Variants in PPFIA2 observed in about 807,000 individuals in gnomAD.
PPFIA2 encodes PPFI scaffold protein A2, also known as liprin-alpha-2.
Under a neutral mutation model 175.5 loss-of-function variants are expected in PPFIA2, and 46 were observed. That is an observed-to-expected ratio of 0.26 (90% confidence interval 0.21 to 0.34). The LOEUF (loss-of-function observed/expected upper bound fraction) is 0.34, where lower values mean the gene tolerates loss of function less well. Ranked by LOEUF, PPFIA2 falls within the 10% of genes least tolerant of loss-of-function variation. PPFIA2 has a pLI of 1.00. For missense variants in PPFIA2, 1,179 were observed against 1,506.1 expected, an observed-to-expected ratio of 0.78 and a Z score of 3.60; for synonymous variants, 568 against 511.4, an observed-to-expected ratio of 1.11 and a Z score of -1.49.
At position 81,724,484 on chromosome 12, in the gene PPFIA2, C is replaced by T. The variant is rs185246539; in HGVS notation, c.249+29489G>A. Among the ~76,000 whole-genome samples the T allele has an allele frequency of 8.6e-5, 13 of 151,004 alleles. No homozygotes were observed. The East Asian group carries it at 2.0e-3, about 23-fold the overall frequency. ...TCATCCCTCAACCCCCTCCCACTCT[C>T]TCACCTTTCTGAGTCTCCAGTGTTT... On this transcript the variant is annotated intron_variant, in intron 3 of 32. Transcript: ENST00000549396.
intron 4 of PPFIA2, among the ~76,000 whole-genome samples, chr12:81,618,708 TTTTTTAG>T (rs2061692635): frequency 6.6e-6 from 1 of 151,830 alleles, no homozygotes; most frequent in Non-Finnish European, 1.5e-5. Flanking sequence ...TTTTTTTGTA[TTTTTTAG>T]TAGAGAAAGG....
intron 25 of PPFIA2, among the ~76,000 whole-genome samples, chr12:81,283,806 T>C (rs1370693820): frequency 6.6e-6 from 1 of 151,850 alleles, no homozygotes; most frequent in African/African-American, 2.4e-5. Context: ...TTTTTGGGGG[T>C]TTTTTTGGTC....
At chr12:81,619,993 A>G (rs1399495426) in intron 4 of PPFIA2, among the ~76,000 whole-genome samples, 1 of 151,998 alleles carries the variant, frequency 6.6e-6, no homozygotes, top group Non-Finnish European at 1.5e-5. Flanking sequence ...CCCCGTCTCT[A>G]CTGAAAATAC....
intron 4 of PPFIA2, among the ~76,000 whole-genome samples, chr12:81,661,837 A>C (rs972183962): frequency 6.6e-6 from 1 of 152,232 alleles, no homozygotes; most frequent in Non-Finnish European, 1.5e-5. Context: ...AACAGAAATT[A>C]TAACAAACTG....
chr12:81,401,466 C>CCTCT (rs1385143678), intron 8 of PPFIA2, among the ~76,000 whole-genome samples: 1 of 152,124 alleles, frequency 6.6e-6, no homozygotes, highest in Non-Finnish European at 1.5e-5. Context: ...TTCCACATTG[C>CCTCT]CTCTCTGACA....
chr12:81,387,274 C>T (rs1273549833), intron 8 of PPFIA2, among the ~76,000 whole-genome samples: 1 of 151,994 alleles, frequency 6.6e-6, no homozygotes, highest in Non-Finnish European at 1.5e-5. Flanking sequence ...TAATGTGACA[C>T]TGATAAAGTT....
At chr12:81,309,341 G>A (rs2050143264) in intron 22 of PPFIA2, among the ~76,000 whole-genome samples, 1 of 151,950 alleles carries the variant, frequency 6.6e-6, no homozygotes, top group South Asian at 2.1e-4. Context: ...TTTAACATCT[G>A]CAAGCTGAAC....
intron 4 of PPFIA2, among the ~76,000 whole-genome samples, chr12:81,490,692 T>C (rs1224662149): frequency 2.0e-5 from 3 of 151,948 alleles, no homozygotes; most frequent in Non-Finnish European, 4.4e-5. Flanking sequence ...ATTCTTTTCT[T>C]ACAGAACCCC....
At chr12:81,665,770 T>G in intron 4 of PPFIA2, among the ~76,000 whole-genome samples, 1 of 152,010 alleles carries the variant, frequency 6.6e-6, no homozygotes, top group East Asian at 1.9e-4. Flanking sequence ...AAATGGGATC[T>G]AATTAAACTA....
chr12:81,677,726 A>T (rs2153571358), intron 3 of PPFIA2, among the ~76,000 whole-genome samples: 1 of 152,052 alleles, frequency 6.6e-6, no homozygotes, highest in South Asian at 2.1e-4. Context: ...ATATAAAGAG[A>T]TCGATTTTTA....
At chr12:81,281,136 G>A (rs1038709267) in intron 27 of PPFIA2, 121 bp downstream of exon 27, 13 of 774,836 alleles carry the variant, frequency 1.7e-5, no homozygotes, top group Admixed American at 6.6e-5. Context: ...GTATACAAAC[G>A]ATGTTTCAAA....
intron 4 of PPFIA2, chr12:81,598,072 G>C: frequency 6.5e-7 from 1 of 1,534,300 alleles, no homozygotes; most frequent in Non-Finnish European, 8.7e-7. Flanking sequence ...AGGAGCTACA[G>C]ATGCAGAGCA....
intron 24 of PPFIA2, 163 bp downstream of exon 24, chr12:81,294,672 A>G (rs1230524261): frequency 3.0e-6 from 2 of 668,180 alleles, no homozygotes; most frequent in East Asian, 5.5e-5. Context: ...TCATTTGAAA[A>G]CCTATTAAAA....
chr12:81,557,929 G>C (rs1359883687), intron 4 of PPFIA2, among the ~76,000 whole-genome samples: 1 of 152,068 alleles, frequency 6.6e-6, no homozygotes, highest in Non-Finnish European at 1.5e-5. Flanking sequence ...GAAAATGTGT[G>C]TAAAGGCATG....
chr12:81,629,940 G>A (rs1042962116), intron 4 of PPFIA2, among the ~76,000 whole-genome samples: 2 of 152,150 alleles, frequency 1.3e-5, no homozygotes, highest in East Asian at 1.9e-4. Context: ...TCTTGAGATT[G>A]AAAGATTATC....
chr12:81,424,838 A>T (rs1273563468), intron 7 of PPFIA2: 1 of 152,156 alleles, frequency 6.6e-6, no homozygotes, highest in Non-Finnish European at 1.5e-5. Flanking sequence ...GCGTATTTTT[A>T]TGTCCCTCAG....
chr12:81,330,050 T>C (rs889026698), intron 21 of PPFIA2, among the ~76,000 whole-genome samples: 1 of 152,120 alleles, frequency 6.6e-6, no homozygotes, highest in Non-Finnish European at 1.5e-5. Flanking sequence ...TGGAACTAGT[T>C]GGAGGTATCT....
At chr12:81,377,609 C>T (rs2036677117) in intron 9 of PPFIA2, among the ~76,000 whole-genome samples, 1 of 151,772 alleles carries the variant, frequency 6.6e-6, no homozygotes. Flanking sequence ...TCATGTTGTC[C>T]CTAGTCTCCT....
intron 7 of PPFIA2, among the ~76,000 whole-genome samples, chr12:81,433,486 T>C (rs1466891311): frequency 1.3e-5 from 2 of 152,194 alleles, no homozygotes; most frequent in Non-Finnish European, 2.9e-5. Context: ...ATATGAAAAT[T>C]TACTTAATAC....
Sources: allele counts gnomAD v4.1 joint callset (sites outside exome capture counted in the v4.1 genomes callset), GRCh38; gene constraint gnomAD v4.1.1; transcripts MANE v1.5; gene names NCBI Gene and HGNC (gene_info 2026-07-23, HGNC 2026-07-21).